Variants in CMTM4 observed in about 807,000 individuals in gnomAD.
CMTM4 encodes the protein CKLF-like MARVEL transmembrane domain-containing protein 4.
In CMTM4, 8 loss-of-function variants were observed where a neutral mutation model predicts 19.0. The ratio of observed to expected loss-of-function variants is 0.42; its 90% CI spans 0.25 to 0.76. CMTM4 has a LOEUF of 0.76. Among genes scored for constraint, CMTM4 ranks in the 30% least tolerant of loss-of-function variants. The pLI is 0.27. For synonymous variants in CMTM4, 106 were observed against 121.1 expected (o/e 0.88, Z 0.82); for missense variants, 228 against 290.2 (o/e 0.79, Z 1.56).
chr16:66,633,077 C>CAACA (rs1471735704), intron 2 of CMTM4, among the ~76,000 whole-genome samples: 1 of 122,912 alleles, frequency 8.1e-6, no homozygotes, highest in African/African-American at 4.2e-5. Context: ...AAGAGCGAAA[C>CAACA]TCCGTTTCAA....
chr16:66,602,788 C>G, the CMTM4 span, among the ~76,000 whole-genome samples: 1 of 152,132 alleles, frequency 6.6e-6, no homozygotes, highest in Non-Finnish European at 1.5e-5. Flanking sequence ...CTCAGGTGAT[C>G]TGCCTGCCTC....
In CMTM4 at chr16:66,617,782, T is replaced by A; in HGVS notation, c.*4276A>T. The A allele has an allele frequency of 2.0e-6, 2 of 1,002,946 alleles. No homozygotes were observed. The highest frequency in any genetic ancestry group is 2.4e-6 in the Non-Finnish European group (2 of 841,484). The allele number at this position is 1,002,946 out of a possible 1,614,324, so 62.1% of individuals were successfully genotyped here. The stretch of plus-strand genomic sequence containing the variant: ...GATGGCAGCCAAGCCAGCTTCAGAG[T>A]CACCTGCTGGACCCACATGTTCCTG... On this transcript the variant is annotated 3_prime_UTR_variant, in exon 4 of 4. Transcript: ENST00000394106.
intron 1 of CMTM4, among the ~76,000 whole-genome samples, chr16:66,654,613 G>A (rs184845290): frequency 1.3e-3 from 203 of 152,318 alleles, no homozygotes; most frequent in African/African-American, 4.5e-3. Flanking sequence ...AGCATAGCCC[G>A]TCGCACAGTA....
chr16:66,684,527 C>T lies in CMTM4; in HGVS notation c.186+11813G>A, dbSNP rs2016998840. The stretch of plus-strand genomic sequence containing the variant: ...ACTACCTTAATAAACTCTAGTGATC[C>T]CAGGACCCCACTCTGAAAACCAGTG... On this transcript the variant is annotated intron_variant, in intron 1 of 3. Transcript: ENST00000394106. 2.6e-5 allele frequency among the ~76,000 whole-genome samples: 4 copies of T among 152,038 alleles called. No individual in the cohort carries two copies. In the South Asian group the frequency reaches 8.3e-4, roughly 32 times the overall value.
intron 2 of CMTM4, among the ~76,000 whole-genome samples, chr16:66,624,638 A>G (rs1051499753): frequency 5.3e-5 from 8 of 152,232 alleles, no homozygotes; most frequent in African/African-American, 1.9e-4. Flanking sequence ...ATGGTGGCGC[A>G]TGCCTGTAAT....
intron 1 of CMTM4, among the ~76,000 whole-genome samples, chr16:66,675,033 G>A (rs777491985): frequency 2.0e-5 from 3 of 149,396 alleles, no homozygotes; most frequent in East Asian, 2.0e-4. Context: ...GTGAGCCACC[G>A]CACCTGCCTG....
intron 1 of CMTM4, among the ~76,000 whole-genome samples, chr16:66,648,573 G>A (rs948548098): frequency 1.3e-5 from 2 of 151,772 alleles, no homozygotes; most frequent in East Asian, 1.9e-4. Flanking sequence ...CAGAAGAATC[G>A]CTTGAACCCG....
chr16:66,688,745 A>G (rs1402760652), intron 1 of CMTM4, among the ~76,000 whole-genome samples: 2 of 152,158 alleles, frequency 1.3e-5, no homozygotes, highest in Non-Finnish European at 2.9e-5. Flanking sequence ...TAATATTTTA[A>G]CTATATTGAG....
chr16:66,675,943 C>T (rs1239622303), intron 1 of CMTM4, among the ~76,000 whole-genome samples: 1 of 151,948 alleles, frequency 6.6e-6, no homozygotes, highest in Admixed American at 6.6e-5. Context: ...CTTGTAACCT[C>T]GTACTCCCAG....
intron 1 of CMTM4, among the ~76,000 whole-genome samples, chr16:66,683,732 T>C (rs1026336945): frequency 1.3e-5 from 2 of 151,490 alleles, no homozygotes; most frequent in African/African-American, 4.9e-5. Context: ...TGGTCAATGC[T>C]CTGGAGGAGA....
downstream of CMTM4, chr16:66,611,113 G>T (rs1251284039): frequency 2.6e-6 from 1 of 381,210 alleles, no homozygotes; most frequent in African/African-American, 2.1e-5. Context: ...TTTCACATAT[G>T]TAACAATTAT....
chr16:66,639,422 A>C (rs1035264163), intron 1 of CMTM4, among the ~76,000 whole-genome samples: 2 of 152,226 alleles, frequency 1.3e-5, no homozygotes. Flanking sequence ...AGTGAACAAA[A>C]CAGACAAAAA....
chr16:66,683,785 TG>T (rs1215218367), intron 1 of CMTM4, among the ~76,000 whole-genome samples: 1 of 149,042 alleles, frequency 6.7e-6, no homozygotes, highest in African/African-American at 2.5e-5. Flanking sequence ...CAGAGTGGGG[TG>T]GGGGAGTGTT....
intron 1 of CMTM4, among the ~76,000 whole-genome samples, chr16:66,679,823 CAAAA>C (rs748044272): frequency 6.2e-5 from 4 of 64,046 alleles, no homozygotes; most frequent in Admixed American, 1.8e-4. Flanking sequence ...GACTCTATGT[CAAAA>C]AAAAAAAAAA....
intron 1 of CMTM4, among the ~76,000 whole-genome samples, chr16:66,688,918 G>C (rs1220568822): frequency 6.6e-6 from 1 of 151,954 alleles, no homozygotes; most frequent in Non-Finnish European, 1.5e-5. Context: ...AACTGATATT[G>C]GTTTTTTTGT....
At position 66,620,348 on chromosome 16, in the gene CMTM4, G is replaced by T; in HGVS notation, c.*1710C>A. ...TGTGGGAGCAGAGGGGAGACGAGTTGTTAACAGGCTAGCAGGGTCAGCCCC... is the reference window on the plus strand; with the variant it reads ...TGTGGGAGCAGAGGGGAGACGAGTTTTTAACAGGCTAGCAGGGTCAGCCCC... On this transcript the variant is annotated 3_prime_UTR_variant, in exon 4 of 4. Coordinates refer to ENST00000394106, the MANE Select transcript of CMTM4 (RefSeq NM_181521.3). The T allele has an allele frequency of 1.0e-6, 1 of 985,502 alleles. No homozygotes were observed. Among genetic ancestry groups the T allele is most frequent in the Non-Finnish European group, 1.2e-6 (1 of 829,968 alleles). The allele number at this position is 985,502 out of a possible 1,614,324, so 61.0% of individuals were successfully genotyped here. A position where few individuals can be genotyped will look rare whatever the true frequency, so the allele number is the denominator to read the frequency against.
At chr16:66,694,163 A>T (rs1478126681) in intron 1 of CMTM4, among the ~76,000 whole-genome samples, 2 of 152,200 alleles carry the variant, frequency 1.3e-5, no homozygotes, top group Non-Finnish European at 2.9e-5. Context: ...AGTAATGATA[A>T]ATGCCACAGG....
chr16:66,692,377 C>T (rs1054231584), intron 1 of CMTM4, among the ~76,000 whole-genome samples: 10 of 152,108 alleles, frequency 6.6e-5, no homozygotes, highest in Admixed American at 3.3e-4. Context: ...GGCGTGAGCC[C>T]GGCCTGTTGC....
chr16:66,687,556 T>C (rs919035309), intron 1 of CMTM4, among the ~76,000 whole-genome samples: 4 of 151,982 alleles, frequency 2.6e-5, no homozygotes, highest in Admixed American at 6.6e-5. Context: ...CAGCAGAAAA[T>C]GTCTCCCTGA....
Sources: gnomAD v4.1 joint callset for allele counts (sites outside exome capture counted in the v4.1 genomes callset) on GRCh38, gnomAD v4.1.1 for gene constraint, MANE v1.5 for transcripts, NCBI Gene and HGNC (gene_info 2026-07-23, HGNC 2026-07-21) for gene names.